DEDD2: variants seen among roughly 807,000 people sequenced by gnomAD.
The protein encoded by DEDD2 is DNA-binding death effector domain-containing protein 2.
Under a neutral mutation model 28.9 loss-of-function variants are expected in DEDD2, and 18 were observed. The ratio of observed to expected loss-of-function variants is 0.62; its 90% CI spans 0.43 to 0.92. DEDD2 has a LOEUF of 0.92. DEDD2 is among the 40% of genes least tolerant of loss of function. DEDD2 has a pLI of 0.00. For missense variants in DEDD2, 411 were observed against 463.3 expected, an observed-to-expected ratio of 0.89 and a Z score of 1.04; for synonymous variants, 211 against 206.1, an observed-to-expected ratio of 1.02 and a Z score of -0.20.
At chr19:42,202,079 CACAA>C (rs896703233) in intron 4 of DEDD2, 4 of 398,658 alleles carry the variant, frequency 1.0e-5, no homozygotes, top group Admixed American at 8.8e-5. Flanking sequence ...CCATCTGAAA[CACAA>C]ACAAACAAGA....
intron 4 of DEDD2, among the ~76,000 whole-genome samples, chr19:42,201,475 T>G (rs1472290440): frequency 6.6e-6 from 1 of 152,252 alleles, no homozygotes; most frequent in Non-Finnish European, 1.5e-5. Context: ...ACCCCTCTGA[T>G]AGGCCAATTG....
intron 4 of DEDD2, among the ~76,000 whole-genome samples, chr19:42,200,355 CTG>C (rs2035282192): frequency 6.6e-6 from 1 of 152,280 alleles, no homozygotes; most frequent in Non-Finnish European, 1.5e-5. Flanking sequence ...ACTTGTGTAA[CTG>C]TGGCACATAG....
At chr19:42,203,955 T>C (rs1285472891) in intron 4 of DEDD2, among the ~76,000 whole-genome samples, 8 of 152,232 alleles carry the variant, frequency 5.3e-5, no homozygotes, top group Non-Finnish European at 8.8e-5. Flanking sequence ...GCTGGCTGCA[T>C]CTTTTCCATT....
Position 42,199,270 on chromosome 19 carries a change from TCA to T in DEDD2, c.*166_*167del. 1 of 1,070,408 alleles carries T rather than the reference TCA, an allele frequency of 9.3e-7. No homozygotes were observed. 66.3% of individuals were successfully genotyped at this position (1,070,408 alleles called of 1,614,324 possible). A position where few individuals can be genotyped will look rare whatever the true frequency, so the allele number is the denominator to read the frequency against. On this transcript the variant is annotated 3_prime_UTR_variant, in exon 5 of 5. Coordinates refer to ENST00000596251, the MANE Select transcript of DEDD2 (RefSeq NM_133328.4). This position sits in a 1 kb window ranked among gnomAD's most constrained non-coding sequence, Gnocchi z 7.4. ...AACTCAGCTGGAAATGGTTTAGGCC[TCA>T]GAGCCCACATCCTGTGGGAGGGGCT... is the stretch of plus-strand genomic sequence containing the variant.
rs149135613 is a variant in DEDD2 at position 42,199,798 on chromosome 19, G to C, written c.621C>G (p.Cys207Trp). 6.2e-7 allele frequency: 1 copy of C among 1,602,152 alleles called. No homozygotes were observed. The highest frequency in any genetic ancestry group is 1.7e-5 in the Admixed American group (1 of 58,030). The change falls in exon 5 of 5, where the codon TGC becomes TGG. Residue 207 changes from cysteine (C) to tryptophan (W), a missense_variant. This residue lies in a region of DEDD2 where 129 missense variants were observed against 189.9 expected (regional missense o/e 0.68). Coordinates refer to ENST00000596251, the MANE Select transcript of DEDD2 (RefSeq NM_133328.4). The surrounding 1 kb of genome is among the most constrained non-coding windows in gnomAD (Gnocchi z 7.4). Reference protein sequence around the residue: ...DIRLRVRAEYCEHGPALEQGV... With the variant: ...DIRLRVRAEYWEHGPALEQGV... ...CCTGCTCCAAGGCTGGCCCATGCTC[G>C]CAGTACTCTGCTCGAACCCGGAGCC...
chr19:42,200,366 A>G (rs1302955188), intron 4 of DEDD2, among the ~76,000 whole-genome samples: 1 of 152,248 alleles, frequency 6.6e-6, no homozygotes, highest in Non-Finnish European at 1.5e-5. Context: ...TGTGGCACAT[A>G]GTAGGTGTTC....
chr19:42,213,972 C>A (rs558496299), intron 3 of DEDD2, among the ~76,000 whole-genome samples: 85 of 152,200 alleles, frequency 5.6e-4, no homozygotes, highest in African/African-American at 2.0e-3. Context: ...CCTTATTCTC[C>A]ACGGATGCCT....
chr19:42,213,147 C>A (rs2035832746), intron 3 of DEDD2, among the ~76,000 whole-genome samples: 1 of 152,262 alleles, frequency 6.6e-6, no homozygotes, highest in East Asian at 1.9e-4. Context: ...GAAGAAGACA[C>A]AAGAGGCTAG....
intron 4 of DEDD2, among the ~76,000 whole-genome samples, chr19:42,208,235 G>T (rs1031181098): frequency 6.6e-6 from 1 of 152,156 alleles, no homozygotes; most frequent in African/African-American, 2.4e-5. Context: ...TTTCTCAAGA[G>T]CAAGGTCAAA....
chr19:42,200,661 G>T (rs1237896230), intron 4 of DEDD2, among the ~76,000 whole-genome samples: 1 of 152,214 alleles, frequency 6.6e-6, no homozygotes, highest in Non-Finnish European at 1.5e-5. Flanking sequence ...TGTGCCAAGA[G>T]GAGAGAAGGA....
At chr19:42,215,359 G>A (rs2146906633) in intron 2 of DEDD2, 107 bp from the exon 3 acceptor site, 1 of 1,394,014 alleles carries the variant, frequency 7.2e-7, no homozygotes, top group Non-Finnish European at 9.9e-7. Context: ...AGTAGTCAGA[G>A]CCCAAATACC....
Position 42,198,948 on chromosome 19 carries a change from GC to G in DEDD2, c.*489del. The G allele has an allele frequency of 6.4e-6, 1 of 156,098 alleles. No individual in the cohort carries two copies. Among genetic ancestry groups the G allele is most frequent in the Admixed American group, 6.4e-5 (1 of 15,668 alleles). The allele number at this position is 156,098 out of a possible 1,614,324, so 9.7% of individuals were successfully genotyped here. On this transcript the variant is annotated 3_prime_UTR_variant, in exon 5 of 5. Coordinates refer to ENST00000596251, the MANE Select transcript of DEDD2 (RefSeq NM_133328.4). ...TCCAGTGCCCACTGATGTGGCTGAA[GC>G]CCAGGTTGGTTGTGGTCAAATTAGA...
chr19:42,202,678 C>T (rs1431891837), intron 4 of DEDD2, among the ~76,000 whole-genome samples: 2 of 152,178 alleles, frequency 1.3e-5, no homozygotes, highest in Non-Finnish European at 2.9e-5. Context: ...AGTTAGGAAG[C>T]ACTCCCCACA....
Position 42,216,801 on chromosome 19 carries a change from C to T in DEDD2, c.207G>A (p.Leu69=). 1.3e-6 allele frequency: 2 copies of T among 1,585,328 alleles called. No homozygotes were observed. Among genetic ancestry groups the T allele is most frequent in the Non-Finnish European group, 1.7e-6 (2 of 1,166,070 alleles). Reference sequence around the variant, plus strand: ...ACTGCCCGCGGCGCTCCAGCTCCAGCAGGAGCTCTAGGCCGCTGCGGGCCC... The same window carrying T: ...ACTGCCCGCGGCGCTCCAGCTCCAGTAGGAGCTCTAGGCCGCTGCGGGCCC... ...LARARSGLEL[L]LELERRGQCD... Residue 69 remains leucine, a synonymous_variant, in exon 2 of 5, where the codon CTG becomes CTA. Coordinates refer to ENST00000596251, the MANE Select transcript of DEDD2 (RefSeq NM_133328.4).
At chr19:42,205,294 T>C (rs1339455320) in intron 4 of DEDD2, among the ~76,000 whole-genome samples, 1 of 152,218 alleles carries the variant, frequency 6.6e-6, no homozygotes, top group Non-Finnish European at 1.5e-5. Context: ...GATCAGATAT[T>C]TGATAGTAAG....
At chr19:42,200,948 T>C (rs531163451) in intron 4 of DEDD2, among the ~76,000 whole-genome samples, 1 of 152,238 alleles carries the variant, frequency 6.6e-6, no homozygotes, top group East Asian at 1.9e-4. Context: ...CTTAGGCTAG[T>C]GACAGTACCC....
intron 3 of DEDD2, among the ~76,000 whole-genome samples, chr19:42,212,164 G>A (rs572385378): frequency 9.9e-5 from 15 of 152,066 alleles, no homozygotes; most frequent in African/African-American, 3.1e-4. Flanking sequence ...TCAGGAGTTC[G>A]AGACTAGCCT....
intron 4 of DEDD2, among the ~76,000 whole-genome samples, chr19:42,204,954 C>T (rs532066547): frequency 6.6e-6 from 1 of 152,324 alleles, no homozygotes; most frequent in East Asian, 1.9e-4. Context: ...CCTCCAACTC[C>T]AGAGAGGGAT....
chr19:42,199,810 T>G lies in DEDD2; in HGVS notation c.609A>C (p.Arg203=). The G allele has an allele frequency of 1.9e-6, 3 of 1,597,264 alleles. No homozygotes were observed. Among genetic ancestry groups the G allele is most frequent in the Non-Finnish European group, 2.6e-6 (3 of 1,171,638 alleles). ...CTGGCCCATGCTCGCAGTACTCTGC[T>G]CGAACCCGGAGCCGGATGTCTGCAG... is the stretch of plus-strand genomic sequence containing the variant. The part of the protein sequence containing the change: ...KVTCDIRLRV[R]AEYCEHGPAL... The change falls in exon 5 of 5, where the codon CGA becomes CGC. Residue 203 remains arginine (R), a synonymous_variant. Transcript: ENST00000596251. This position sits in a 1 kb window ranked among gnomAD's most constrained non-coding sequence, Gnocchi z 7.4.
Sources: allele counts gnomAD v4.1 joint callset (sites outside exome capture counted in the v4.1 genomes callset), GRCh38; gene constraint gnomAD v4.1.1; regional missense constraint gnomAD v4.1.1; non-coding constraint Gnocchi (gnomAD v3.1); transcripts MANE v1.5; gene names NCBI Gene and HGNC (gene_info 2026-07-23, HGNC 2026-07-21).